FAM240A: variants seen among roughly 807,000 people sequenced by gnomAD.
FAM240A encodes the protein family with sequence similarity 240 member A.
In FAM240A, 8 loss-of-function variants were observed where a neutral mutation model predicts 7.3. The observed-to-expected ratio is 1.09, with a 90% CI of 0.64 to 1.97. FAM240A has a LOEUF of 1.97. Ranked by LOEUF, FAM240A falls within the 30% of genes most tolerant of loss-of-function variation. The pLI is 0.00. For missense variants in FAM240A, 90 were observed against 102.2 expected (o/e 0.88, Z 0.52); for synonymous variants, 32 against 35.9 (o/e 0.89, Z 0.38).
intron 2 of FAM240A, among the ~76,000 whole-genome samples, chr3:46,624,782 T>A (rs2107149793): frequency 6.6e-6 from 1 of 152,158 alleles, no homozygotes; most frequent in Non-Finnish European, 1.5e-5. Flanking sequence ...AAAATATCTT[T>A]ATTTCACCTC....
At chr3:46,619,733 A>T (rs558171027) in intron 2 of FAM240A, among the ~76,000 whole-genome samples, 1 of 152,276 alleles carries the variant, frequency 6.6e-6, no homozygotes, top group South Asian at 2.1e-4. Context: ...CCTCCAGGTA[A>T]CTAGCATGGC....
chr3:46,615,846 G>GCGCACA (rs1553617840), intron 1 of FAM240A, among the ~76,000 whole-genome samples: 2 of 148,618 alleles, frequency 1.3e-5, no homozygotes, highest in African/African-American at 2.5e-5. Flanking sequence ...CCACATGTGT[G>GCGCACA]CACGCACACA....
chr3:46,616,555 C>T (rs1697630618), intron 1 of FAM240A, among the ~76,000 whole-genome samples: 1 of 152,088 alleles, frequency 6.6e-6, no homozygotes, highest in Non-Finnish European at 1.5e-5. Flanking sequence ...GGCTTAGCTA[C>T]CACTTATAAG....
intron 2 of FAM240A, among the ~76,000 whole-genome samples, chr3:46,621,787 A>C (rs1182918356): frequency 8.6e-5 from 13 of 150,574 alleles, no homozygotes; most frequent in Admixed American, 8.0e-4. Context: ...AAAAAAAAAA[A>C]CTACATAGTT....
Position 46,617,303 on chromosome 3 carries a change from C to T in FAM240A, c.136C>T (p.Arg46Cys), listed in dbSNP as rs532929206. The T allele has an allele frequency of 6.8e-5, 104 of 1,533,716 alleles. No individual in the cohort carries two copies. The East Asian group carries it at 9.1e-4, about 13-fold the overall frequency. Residue 46 changes from arginine to cysteine, a missense_variant, in exon 2 of 3, where the codon CGT (arginine) becomes TGT (cysteine). Transcript: ENST00000640551. ...QTYYRESEER[R>C]LGRSALRKLR... is the part of the protein sequence containing the mutation. ...TTACTACCGAGAATCAGAGGAACGTCGTCTGGGAAGAAGCGCACTGAGAAA... is the reference window on the plus strand; with the variant it reads ...TTACTACCGAGAATCAGAGGAACGTTGTCTGGGAAGAAGCGCACTGAGAAA...
At position 46,625,285 on chromosome 3, in the gene FAM240A, A is replaced by G; in HGVS notation, c.*67A>G. 2 of 1,228,330 alleles carry G rather than the reference A, an allele frequency of 1.6e-6. No individual in the cohort carries two copies. Among genetic ancestry groups the G allele is most frequent in the Non-Finnish European group, 2.3e-6 (2 of 875,190 alleles). The allele number at this position is 1,228,330 out of a possible 1,614,324, so 76.1% of individuals were successfully genotyped here. On this transcript the variant is annotated 3_prime_UTR_variant, in exon 3 of 3. Transcript: ENST00000640551. The stretch of plus-strand genomic sequence containing the variant: ...AGGTCACTTTGCTAGAAGTCAGTGC[A>G]AATTCCTGAGTCCCTTTGCTATACC...
At chr3:46,616,690 TACAC>T (rs3087116) in intron 1 of FAM240A, among the ~76,000 whole-genome samples, 8,005 of 143,520 alleles carry the variant, frequency 0.056, 319 homozygotes, top group African/African-American at 0.11. Context: ...AGTATTCCAT[TACAC>T]ACACACACAC....
chr3:46,622,147 C>T (rs1185293083), intron 2 of FAM240A, among the ~76,000 whole-genome samples: 1 of 123,886 alleles, frequency 8.1e-6, no homozygotes, highest in Non-Finnish European at 1.6e-5. Flanking sequence ...GAGTCTCACT[C>T]TGTCGCCCAG....
At chr3:46,624,020 T>C (rs1575387210) in intron 2 of FAM240A, among the ~76,000 whole-genome samples, 1 of 152,186 alleles carries the variant, frequency 6.6e-6, no homozygotes, top group East Asian at 1.9e-4. Context: ...TTCTGTTGGC[T>C]ATTTAACTAT....
chr3:46,616,003 A>C (rs1697625807), intron 1 of FAM240A, among the ~76,000 whole-genome samples: 1 of 152,248 alleles, frequency 6.6e-6, no homozygotes, highest in African/African-American at 2.4e-5. Context: ...AAGATGAAGA[A>C]GGTCATGGCC....
At chr3:46,614,199 C>G (rs899629184) in intron 1 of FAM240A, among the ~76,000 whole-genome samples, 3 of 152,164 alleles carry the variant, frequency 2.0e-5, no homozygotes, top group East Asian at 1.9e-4. Context: ...GCTGGGATTA[C>G]AGGTGTGAGC....
Position 46,625,693 on chromosome 3 carries a change from C to A in FAM240A, c.*475C>A, listed in dbSNP as rs3796370. 16,970 of 152,066 alleles carry A rather than the reference C, an allele frequency of 0.11. 1,171 individuals carry two copies. Among genetic ancestry groups the A allele is most frequent in the East Asian group, 0.33 (1,693 of 5,172 alleles). 9.4% of individuals were successfully genotyped at this position (152,066 alleles called of 1,614,324 possible). A position where few individuals can be genotyped will look rare whatever the true frequency, so the allele number is the denominator to read the frequency against. On this transcript the variant is annotated 3_prime_UTR_variant, in exon 3 of 3. Transcript: ENST00000640551. ...GCACCTATCTGCAGAAATTAAAAAA[C>A]AATTATCAATAGTCAAAGTACAATT...
chr3:46,618,706 G>T (rs1047771754), intron 2 of FAM240A, among the ~76,000 whole-genome samples: 1 of 151,886 alleles, frequency 6.6e-6, no homozygotes, highest in Non-Finnish European at 1.5e-5. Flanking sequence ...TAGGCGTGGT[G>T]GTGCATGCCT....
At chr3:46,615,182 G>C (rs746580525) in intron 1 of FAM240A, among the ~76,000 whole-genome samples, 2 of 152,186 alleles carry the variant, frequency 1.3e-5, no homozygotes, top group Non-Finnish European at 2.9e-5. Flanking sequence ...CCACTGTCCC[G>C]GTCTGTCTTT....
chr3:46,617,298 A>G lies in FAM240A; in HGVS notation c.131A>G (p.Glu44Gly). Residue 44 changes from glutamate to glycine, a missense_variant, in exon 2 of 3, where the codon GAA (glutamate) becomes GGA (glycine). Coordinates refer to ENST00000640551, the MANE Select transcript of FAM240A (RefSeq NM_001195442.2). ...GKQTYYRESE[E>G]RRLGRSALRK... ...CAGACTTACTACCGAGAATCAGAGGAACGTCGTCTGGGAAGAAGCGCACTG... is the reference window on the plus strand; with the variant it reads ...CAGACTTACTACCGAGAATCAGAGGGACGTCGTCTGGGAAGAAGCGCACTG... 1 of 1,534,592 alleles carries G rather than the reference A, an allele frequency of 6.5e-7. No homozygotes were observed. Among genetic ancestry groups the G allele is most frequent in the East Asian group, 2.4e-5 (1 of 40,850 alleles).
At chr3:46,618,562 C>T (rs1016432268) in intron 2 of FAM240A, among the ~76,000 whole-genome samples, 4 of 152,018 alleles carry the variant, frequency 2.6e-5, no homozygotes, top group South Asian at 2.1e-4. Flanking sequence ...TACATGCGGC[C>T]GGGTGCGGTG....
At chr3:46,613,824 C>G (rs1697597322) in intron 1 of FAM240A, among the ~76,000 whole-genome samples, 1 of 152,202 alleles carries the variant, frequency 6.6e-6, no homozygotes, top group South Asian at 2.1e-4. Flanking sequence ...GTGCCTCACT[C>G]CCTGTTATCT....
At chr3:46,618,756 C>A (rs1476655626) in intron 2 of FAM240A, among the ~76,000 whole-genome samples, 1 of 151,868 alleles carries the variant, frequency 6.6e-6, no homozygotes, top group Non-Finnish European at 1.5e-5. Flanking sequence ...AGGAGAATCA[C>A]TTGAACCCGG....
intron 2 of FAM240A, among the ~76,000 whole-genome samples, chr3:46,618,016 C>G (rs114201921): frequency 2.0e-5 from 3 of 152,170 alleles, no homozygotes; most frequent in African/African-American, 7.2e-5. Flanking sequence ...GAGGGACCGC[C>G]CTTTTGAGCT....
Sources: gnomAD v4.1 joint callset for allele counts (sites outside exome capture counted in the v4.1 genomes callset) on GRCh38, gnomAD v4.1.1 for gene constraint, MANE v1.5 for transcripts, NCBI Gene and HGNC (gene_info 2026-07-23, HGNC 2026-07-21) for gene names.